ZBBX: variants seen among roughly 807,000 people sequenced by gnomAD.
The protein encoded by ZBBX is zinc finger B-box domain containing, also known as zinc finger B-box domain-containing protein 1.
In ZBBX, 101 loss-of-function variants were observed where a neutral mutation model predicts 108.5. The observed-to-expected ratio is 0.93, with a 90% CI of 0.79 to 1.10. The LOEUF (loss-of-function observed/expected upper bound fraction) is 1.10. Among genes scored for constraint, ZBBX ranks in the 50% least tolerant of loss-of-function variants. The pLI is 0.00. For synonymous variants in ZBBX, 356 were observed against 323.4 expected (o/e 1.10, Z -1.08); for missense variants, 1,009 against 941.4 (o/e 1.07, Z -0.94).
chr3:167,286,856 C>T (rs1327784429), intron 19 of ZBBX, among the ~76,000 whole-genome samples: 2 of 152,072 alleles, frequency 1.3e-5, no homozygotes, highest in Non-Finnish European at 2.9e-5. Flanking sequence ...TTCATGACTT[C>T]TTAATTGTTA....
At chr3:167,364,289 C>T (rs1744988356) in intron 6 of ZBBX, among the ~76,000 whole-genome samples, 1 of 151,894 alleles carries the variant, frequency 6.6e-6, no homozygotes, top group Non-Finnish European at 1.5e-5. Context: ...TCCTGGGAAG[C>T]AAAATTGCCC....
chr3:167,307,038 A>G (rs1037631037), intron 16 of ZBBX, among the ~76,000 whole-genome samples: 32 of 152,310 alleles, frequency 2.1e-4, no homozygotes, highest in African/African-American at 7.0e-4. Context: ...CATAAGACAC[A>G]CCCACACAGG....
At chr3:167,315,944 G>A (rs974298320) in intron 14 of ZBBX, 115 bp from the exon 15 acceptor site, 2 of 596,494 alleles carry the variant, frequency 3.4e-6, no homozygotes, top group Non-Finnish European at 5.8e-6. Context: ...GATGTTATGA[G>A]AGCTCTAATT....
the ZBBX span, among the ~76,000 whole-genome samples, chr3:167,184,079 A>C: frequency 6.6e-6 from 1 of 152,248 alleles, no homozygotes; most frequent in Non-Finnish European, 1.5e-5. Flanking sequence ...GATTATCAAT[A>C]AACACGTGAA....
At chr3:167,226,994 G>T in the ZBBX span, among the ~76,000 whole-genome samples, 1 of 151,782 alleles carries the variant, frequency 6.6e-6, no homozygotes, top group African/African-American at 2.4e-5. Flanking sequence ...TATGATATGA[G>T]TTGTATCTAT....
intron 18 of ZBBX, among the ~76,000 whole-genome samples, chr3:167,291,074 C>T (rs1288698275): frequency 6.6e-6 from 1 of 152,038 alleles, no homozygotes; most frequent in African/African-American, 2.4e-5. Context: ...ACCAAATCTA[C>T]GTTTTATTGG....
At chr3:167,217,989 C>T in the ZBBX span, among the ~76,000 whole-genome samples, 1 of 151,760 alleles carries the variant, frequency 6.6e-6, no homozygotes, top group African/African-American at 2.4e-5. Flanking sequence ...GTGATCTGCC[C>T]ACCTTGGCCT....
chr3:167,400,529 C>T (rs1748393638), intron 1 of ZBBX, among the ~76,000 whole-genome samples: 1 of 152,062 alleles, frequency 6.6e-6, no homozygotes, highest in African/African-American at 2.4e-5. Context: ...GTCCTTTGCT[C>T]ACTTTTTAAT....
the ZBBX span, among the ~76,000 whole-genome samples, chr3:167,231,018 A>G: frequency 2.0e-5 from 3 of 151,850 alleles, no homozygotes; most frequent in South Asian, 6.2e-4. Context: ...GAAAAAGAGG[A>G]TTCGAAGGAA....
intron 21 of ZBBX, among the ~76,000 whole-genome samples, chr3:167,242,197 A>C (rs866148380): frequency 6.6e-6 from 1 of 152,328 alleles, no homozygotes; most frequent in South Asian, 2.1e-4. Context: ...AATTAATTCA[A>C]ATAAGGCCAT....
intron 1 of ZBBX, among the ~76,000 whole-genome samples, chr3:167,394,196 A>C (rs1748161716): frequency 2.0e-5 from 3 of 151,946 alleles, no homozygotes; most frequent in Non-Finnish European, 4.4e-5. Flanking sequence ...TTCAGCAGAA[A>C]TCCATTGGGT....
the ZBBX span, among the ~76,000 whole-genome samples, chr3:167,182,825 T>C: frequency 6.6e-6 from 1 of 152,044 alleles, no homozygotes; most frequent in Non-Finnish European, 1.5e-5. Context: ...TATTGATTAA[T>C]AGCTTGTTTA....
chr3:167,306,086 T>G, intron 16 of ZBBX, 136 bp from the exon 17 acceptor site: 1 of 639,014 alleles, frequency 1.6e-6, no homozygotes, highest in Non-Finnish European at 2.5e-6. Flanking sequence ...ACTGATGTTT[T>G]AGTGTTAAAA....
At chr3:167,248,333 A>C (rs1576767462) in intron 20 of ZBBX, among the ~76,000 whole-genome samples, 1 of 152,332 alleles carries the variant, frequency 6.6e-6, no homozygotes, top group East Asian at 1.9e-4. Context: ...CAAGGAATTC[A>C]GCCTAGTCTG....
At chr3:167,275,419 C>A (rs1315455309) in intron 20 of ZBBX, among the ~76,000 whole-genome samples, 1 of 151,828 alleles carries the variant, frequency 6.6e-6, no homozygotes, top group Non-Finnish European at 1.5e-5. Flanking sequence ...TCAGTGGGTG[C>A]GCGCACTGTG....
intron 1 of ZBBX, among the ~76,000 whole-genome samples, chr3:167,395,498 G>A (rs1748207308): frequency 6.6e-6 from 1 of 150,788 alleles, no homozygotes; most frequent in Admixed American, 6.6e-5. Flanking sequence ...TGGAATCCTG[G>A]CTCCTCATGC....
In ZBBX at chr3:167,391,499, T is replaced by C. The variant is rs962933460; in HGVS notation, c.-445-11094A>G. 1.2e-4 allele frequency among the ~76,000 whole-genome samples: 19 copies of C among 152,216 alleles called. 1 individual carries two copies. The South Asian group carries it at 1.9e-3, about 15-fold the overall frequency. ...TGGTATCAGGATGATGCTAGTCTCA[T>C]AAAATGAGCTAGGGATTAGCCCCTC... On this transcript the variant is annotated intron_variant, in intron 1 of 21. Coordinates refer to the ZBBX transcript ENST00000455345.
chr3:167,224,995 G>T, the ZBBX span, among the ~76,000 whole-genome samples: 5 of 151,802 alleles, frequency 3.3e-5, no homozygotes, highest in Non-Finnish European at 5.9e-5. Context: ...AATGTTTCTT[G>T]TTGCAGGAGG....
chr3:167,327,570 G>A (rs1737617005), intron 11 of ZBBX, among the ~76,000 whole-genome samples: 1 of 152,210 alleles, frequency 6.6e-6, no homozygotes, highest in South Asian at 2.1e-4. Flanking sequence ...TATTCACAGA[G>A]AATGGAGGTA....
Sources: allele counts gnomAD v4.1 joint callset (sites outside exome capture counted in the v4.1 genomes callset), GRCh38; gene constraint gnomAD v4.1.1; transcripts MANE v1.5; gene names NCBI Gene and HGNC (gene_info 2026-07-23, HGNC 2026-07-21).